Variants in CELA2B observed in about 807,000 individuals in gnomAD.
CELA2B encodes chymotrypsin like elastase 2B.
In CELA2B, 27 loss-of-function variants were observed where a neutral mutation model predicts 36.5. That is an observed-to-expected ratio of 0.74 (90% CI 0.55 to 1.02). CELA2B has a LOEUF of 1.02. Ranked by LOEUF, CELA2B falls within the 50% of genes least tolerant of loss-of-function variation. The pLI, the probability that CELA2B is intolerant of heterozygous loss-of-function variation, is 0.00. For synonymous variants in CELA2B, 143 were observed against 148.5 expected (o/e 0.96, Z 0.27); for missense variants, 340 against 347.8 (o/e 0.98, Z 0.18).
At chr1:15,490,595 C>T (rs12045879) in intron 7 of CELA2B, among the ~76,000 whole-genome samples, 43,713 of 151,918 alleles carry the variant, frequency 0.29, 6,790 homozygotes, top group East Asian at 0.54. Context: ...AGGCTGGGCG[C>T]GGTGGCTCAC....
At position 15,483,297 on chromosome 1, in the gene CELA2B, C is replaced by G. The variant is rs1462232378; in HGVS notation, c.390C>G (p.Pro130=). The part of the protein sequence containing the change: ...NDIALLKLAN[P]VSLTDKIQLA... ...TTGCCCTGCTCAAACTGGCTAACCC[C>G]GTCTCCCTCACCGACAAGATCCAGC... Residue 130 remains proline, a synonymous_variant, in exon 5 of 8, where the codon CCC becomes CCG. Transcript: ENST00000375910. 6.2e-7 allele frequency: 1 copy of G among 1,613,936 alleles called. No homozygotes were observed. Among genetic ancestry groups the G allele is most frequent in the Non-Finnish European group, 8.5e-7 (1 of 1,179,902 alleles).
At position 15,489,410 on chromosome 1, in the gene CELA2B, G is replaced by GT. The variant is rs201161397; in HGVS notation, c.793-1884dup. Among the ~76,000 whole-genome samples the GT allele has an allele frequency of 5.8e-3, 887 of 152,350 alleles. 30 individuals are homozygous for GT. The highest frequency in any genetic ancestry group is 0.035 in the Admixed American group (534 of 15,302). ...CAGTCGGGACAGGCACAGATGCCCG[G>GT]TAACGGGTTTCAGAAGGGGGAGAGC... On this transcript the variant is annotated intron_variant, in intron 7 of 7. Transcript: ENST00000375910.
intron 7 of CELA2B, among the ~76,000 whole-genome samples, chr1:15,488,198 G>A (rs1293767891): frequency 1.3e-5 from 2 of 152,168 alleles, no homozygotes; most frequent in African/African-American, 2.4e-5. Context: ...AGCAGCCTGG[G>A]CAACATAGCG....
Position 15,491,300 on chromosome 1 carries a change from T to C in CELA2B, c.798T>C (p.Ile266=), listed in dbSNP as rs1708890217. The C allele has an allele frequency of 6.2e-7, 1 of 1,614,020 alleles. No homozygotes were observed. The highest frequency in any genetic ancestry group is 8.5e-7 in the Non-Finnish European group (1 of 1,180,018). The change falls in exon 8 of 8, where the codon ATT becomes ATC. Residue 266 remains isoleucine (I), a synonymous_variant. Coordinates refer to ENST00000375910, the MANE Select transcript of CELA2B (RefSeq NM_015849.3). The part of the protein sequence containing the change: ...SNYNDWINSV[I]ANN ...CTTGTGTGTGTGTCCTGCAGGTGATTGCAAATAACTAACCAAAAGAAGTCC... is the reference window on the plus strand; with the variant it reads ...CTTGTGTGTGTGTCCTGCAGGTGATCGCAAATAACTAACCAAAAGAAGTCC...
chr1:15,483,441 G>C (rs1382532723), intron 5 of CELA2B, 41 bp downstream of exon 5: 1 of 1,613,244 alleles, frequency 6.2e-7, no homozygotes, highest in Admixed American at 1.7e-5. Flanking sequence ...GGAGGGAAGG[G>C]AGGTGATGTC....
intron 5 of CELA2B, among the ~76,000 whole-genome samples, chr1:15,484,250 G>T (rs1158536328): frequency 6.6e-6 from 1 of 152,144 alleles, no homozygotes; most frequent in Non-Finnish European, 1.5e-5. Flanking sequence ...ACCCGGCTGA[G>T]GGTGGGTCTT....
chr1:15,476,433 T>G, intron 1 of CELA2B, 24 bp from the exon 2 acceptor site: 1 of 1,611,104 alleles, frequency 6.2e-7, no homozygotes. Flanking sequence ...CTTCCTGGAC[T>G]CAAGACCCTT....
At chr1:15,488,672 C>T (rs1248631926) in intron 7 of CELA2B, among the ~76,000 whole-genome samples, 9 of 152,174 alleles carry the variant, frequency 5.9e-5, no homozygotes, top group African/African-American at 7.2e-5. Flanking sequence ...CGTGGCAGAG[C>T]CCCCAAAGAA....
intron 5 of CELA2B, among the ~76,000 whole-genome samples, chr1:15,483,851 T>C (rs12130283): frequency 0.59 from 89,427 of 151,406 alleles, 28,355 homozygotes; most frequent in African/African-American, 0.84. Flanking sequence ...ATCATTTCAA[T>C]CTAGGAGGCG....
At chr1:15,487,581 G>C (rs1490043960) in intron 7 of CELA2B, 144 bp downstream of exon 7, 6 of 1,137,512 alleles carry the variant, frequency 5.3e-6, no homozygotes, top group Non-Finnish European at 7.4e-6. Context: ...GCAGACCTTG[G>C]CAACTGCTGA....
chr1:15,482,638 C>T (rs1708757049), intron 4 of CELA2B, among the ~76,000 whole-genome samples: 1 of 152,102 alleles, frequency 6.6e-6, no homozygotes, highest in Non-Finnish European at 1.5e-5. Context: ...CCTGCAGGGC[C>T]CCTGTCCGCT....
chr1:15,479,731 T>C (rs1455175536), intron 2 of CELA2B, among the ~76,000 whole-genome samples: 1 of 152,086 alleles, frequency 6.6e-6, no homozygotes. Flanking sequence ...TGGGATAGCG[T>C]GGTCACAGAA....
At position 15,476,520 on chromosome 1, in the gene CELA2B, C is replaced by G; in HGVS notation, c.104C>G (p.Ala35Gly). The G allele has an allele frequency of 1.2e-6, 2 of 1,614,006 alleles. No individual in the cohort carries two copies. Among genetic ancestry groups the G allele is most frequent in the Non-Finnish European group, 1.7e-6 (2 of 1,180,020 alleles). ...DMSRMLGGEE[A>G]RPNSWPWQVS... ...TCTAGGATGCTTGGAGGTGAAGAAGCGAGGCCCAACAGCTGGCCCTGGCAG... is the reference window on the plus strand; with the variant it reads ...TCTAGGATGCTTGGAGGTGAAGAAGGGAGGCCCAACAGCTGGCCCTGGCAG... Residue 35 changes from alanine to glycine, a missense_variant, in exon 2 of 8, where the codon GCG (alanine) becomes GGG (glycine). Physicochemically the swap from Ala to Gly is moderately conservative, Grantham distance 60. Transcript: ENST00000375910.
chr1:15,491,027 G>T (rs765802188), intron 7 of CELA2B: 6 of 481,992 alleles, frequency 1.2e-5, no homozygotes, highest in Non-Finnish European at 2.3e-5. Flanking sequence ...AATTTTTAGG[G>T]GGTTCGAAGG....
chr1:15,489,519 G>A (rs1030206603), intron 7 of CELA2B, among the ~76,000 whole-genome samples: 1 of 152,164 alleles, frequency 6.6e-6, no homozygotes, highest in African/African-American at 2.4e-5. Context: ...CCCAACCCAG[G>A]GACACAGTGT....
intron 5 of CELA2B, among the ~76,000 whole-genome samples, chr1:15,485,086 G>C (rs1708788799): frequency 6.6e-6 from 1 of 152,012 alleles, no homozygotes; most frequent in Non-Finnish European, 1.5e-5. Flanking sequence ...ACTAGAGACG[G>C]GGTTTCACCA....
At chr1:15,483,186 G>A in intron 4 of CELA2B, 78 bp from the exon 5 acceptor site, 2 of 1,589,860 alleles carry the variant, frequency 1.3e-6, no homozygotes, top group Non-Finnish European at 1.7e-6. Flanking sequence ...AAGATGACAA[G>A]GTCTCCAAGC....
rs41270253 is a variant in CELA2B, at chr1:15,485,868, C to T, written c.494-33C>T. On this transcript the variant is annotated intron_variant, in intron 5 of 7. Coordinates refer to ENST00000375910, the MANE Select transcript of CELA2B (RefSeq NM_015849.3). ...ACTTCCTTTTTCTCAGGAGTCCCTG[C>T]GTCCCTAATGGCTTCTCTCTGGTCT... 3,337 of 1,611,360 alleles carry T rather than the reference C, an allele frequency of 2.1e-3. 17 individuals are homozygous for T. The highest frequency in any genetic ancestry group is 0.016 in the Middle Eastern group (94 of 5,860).
At chr1:15,481,043 G>C in intron 2 of CELA2B, 55 bp from the exon 3 acceptor site, 1 of 1,597,794 alleles carries the variant, frequency 6.3e-7, no homozygotes, top group Non-Finnish European at 8.6e-7. Flanking sequence ...GGAAACTGGA[G>C]TGCAGGGAGG....
Sources: allele counts gnomAD v4.1 joint callset (sites outside exome capture counted in the v4.1 genomes callset), GRCh38; gene constraint gnomAD v4.1.1; transcripts MANE v1.5; gene names NCBI Gene and HGNC (gene_info 2026-07-23, HGNC 2026-07-21).